Variants in FIG4 observed in about 807,000 individuals in gnomAD.
The protein encoded by FIG4 is FIG4 phosphoinositide 5-phosphatase.
Under a neutral mutation model 118.6 loss-of-function variants are expected in FIG4, and 112 were observed. That is an observed-to-expected ratio of 0.94 (90% confidence interval 0.81 to 1.11). FIG4 has a LOEUF of 1.11. Among genes scored for constraint, FIG4 ranks in the 50% least tolerant of loss-of-function variants. The probability of loss-of-function intolerance (pLI) is 0.00; values close to 1 mark genes in which losing one functional copy is unlikely to be tolerated. For synonymous variants in FIG4, 369 were observed against 381.2 expected, an observed-to-expected ratio of 0.97 and a Z score of 0.37; for missense variants, 969 against 1,111.7, an observed-to-expected ratio of 0.87 and a Z score of 1.83.
At chr6:109,700,202 C>T (rs768920016) in intron 1 of FIG4, among the ~76,000 whole-genome samples, 4 of 152,070 alleles carry the variant, frequency 2.6e-5, no homozygotes, top group Non-Finnish European at 5.9e-5. Flanking sequence ...AAATTTATGC[C>T]GTTGACTTAA....
At chr6:109,794,298 A>G (rs906226027) in intron 21 of FIG4, among the ~76,000 whole-genome samples, 1 of 152,194 alleles carries the variant, frequency 6.6e-6, no homozygotes, top group Non-Finnish European at 1.5e-5. Context: ...TCCAGGAGTC[A>G]TATCCTGTGT....
intron 10 of FIG4, among the ~76,000 whole-genome samples, chr6:109,752,853 A>G (rs536768923): frequency 7.2e-5 from 11 of 152,120 alleles, no homozygotes; most frequent in African/African-American, 2.4e-4. Flanking sequence ...ATTAGATCCC[A>G]TTTGTCAATT....
intron 15 of FIG4, among the ~76,000 whole-genome samples, chr6:109,775,958 T>C (rs981823913): frequency 9.2e-5 from 14 of 152,230 alleles, no homozygotes; most frequent in African/African-American, 3.4e-4. Context: ...AATGTTACCT[T>C]GTTCCAAATG....
At chr6:109,742,175 A>G (rs1341438586) in intron 8 of FIG4, among the ~76,000 whole-genome samples, 1 of 152,002 alleles carries the variant, frequency 6.6e-6, no homozygotes, top group African/African-American at 2.4e-5. Context: ...TACATGTTTA[A>G]TGTAGAGACA....
rs148323115 is a variant in FIG4 at position 109,825,358 on chromosome 6, G to T, written c.*93G>T. On this transcript the variant is annotated 3_prime_UTR_variant, in exon 23 of 23. Coordinates refer to ENST00000230124, the MANE Select transcript of FIG4 (RefSeq NM_014845.6). Reference sequence around the variant, plus strand: ...AGGTAACTTATTAAAAGTCCTTTGCGTCTGAAGCCTTTCTCCTTTTCTGTC... The same window carrying T: ...AGGTAACTTATTAAAAGTCCTTTGCTTCTGAAGCCTTTCTCCTTTTCTGTC... The T allele has an allele frequency of 6.8e-6, 8 of 1,180,506 alleles. No homozygotes were observed. Among genetic ancestry groups the T allele is most frequent in the Non-Finnish European group, 8.7e-6 (7 of 804,154 alleles). 73.1% of individuals were successfully genotyped at this position (1,180,506 alleles called of 1,614,324 possible). A position where few individuals can be genotyped will look rare whatever the true frequency, so the allele number is the denominator to read the frequency against.
At chr6:109,717,347 C>T (rs779483223) in intron 3 of FIG4, among the ~76,000 whole-genome samples, 3 of 152,186 alleles carry the variant, frequency 2.0e-5, no homozygotes, top group African/African-American at 7.2e-5. Flanking sequence ...TTTACCTGAG[C>T]TCCACCTTTC....
At chr6:109,800,642 C>T (rs1004715044) in intron 22 of FIG4, among the ~76,000 whole-genome samples, 2 of 152,164 alleles carry the variant, frequency 1.3e-5, no homozygotes, top group African/African-American at 4.8e-5. Context: ...TGCACTGACT[C>T]TCATCCCCCA....
At chr6:109,714,636 G>A (rs974458061) in intron 1 of FIG4, among the ~76,000 whole-genome samples, 1 of 152,186 alleles carries the variant, frequency 6.6e-6, no homozygotes, top group African/African-American at 2.4e-5. Context: ...AAAGACATTT[G>A]CAGACATTTA....
intron 7 of FIG4, among the ~76,000 whole-genome samples, chr6:109,739,796 A>G (rs1401648970): frequency 2.0e-5 from 3 of 152,168 alleles, no homozygotes; most frequent in East Asian, 1.9e-4. Flanking sequence ...GAGACTATTA[A>G]GTGGGTGAAT....
chr6:109,785,674 TC>T, intron 17 of FIG4: 1 of 470,984 alleles, frequency 2.1e-6, no homozygotes, highest in South Asian at 1.5e-5. Flanking sequence ...GGTAAAGGGT[TC>T]CTAGCAAGAT....
chr6:109,794,578 C>T (rs1778224848), intron 21 of FIG4, among the ~76,000 whole-genome samples: 1 of 152,176 alleles, frequency 6.6e-6, no homozygotes, highest in African/African-American at 2.4e-5. Flanking sequence ...CAGAGGGTGA[C>T]CAAGGGATGT....
At chr6:109,754,280 G>A (rs1201115108) in intron 10 of FIG4, among the ~76,000 whole-genome samples, 1 of 152,114 alleles carries the variant, frequency 6.6e-6, no homozygotes, top group Non-Finnish European at 1.5e-5. Flanking sequence ...TTGCATCCCA[G>A]GGATGAAGCC....
At chr6:109,747,608 C>A (rs1046194739) in intron 10 of FIG4, among the ~76,000 whole-genome samples, 3 of 151,928 alleles carry the variant, frequency 2.0e-5, no homozygotes, top group Non-Finnish European at 4.4e-5. Flanking sequence ...AATAGGAGTA[C>A]CCAGTGAAAG....
At chr6:109,746,465 A>G (rs1439853196) in intron 10 of FIG4, among the ~76,000 whole-genome samples, 1 of 152,136 alleles carries the variant, frequency 6.6e-6, no homozygotes, top group Non-Finnish European at 1.5e-5. Flanking sequence ...CTGGGAAAGA[A>G]TGGTATTCAA....
chr6:109,705,662 C>T (rs888117687), intron 1 of FIG4, among the ~76,000 whole-genome samples: 1 of 152,124 alleles, frequency 6.6e-6, no homozygotes, highest in Non-Finnish European at 1.5e-5. Flanking sequence ...AATGCATTTG[C>T]CCATGAGCAT....
Position 109,739,483 on chromosome 6 carries a change from T to G in FIG4, c.775+1030T>G, listed in dbSNP as rs1008247123. On this transcript the variant is annotated intron_variant, in intron 7 of 22. Transcript: ENST00000230124. ...ACATTTTCCCCCCACAGATAAGAAG[T>G]ATTTGTAATGGATTTGTATTTTTCT... 2.5e-4 allele frequency among the ~76,000 whole-genome samples: 38 copies of G among 152,152 alleles called. 1 individual carries two copies. The highest frequency in any genetic ancestry group is 5.9e-5 in the Non-Finnish European group (4 of 68,016).
intron 22 of FIG4, among the ~76,000 whole-genome samples, chr6:109,806,025 A>G (rs1778554984): frequency 6.6e-6 from 1 of 152,196 alleles, no homozygotes; most frequent in African/African-American, 2.4e-5. Flanking sequence ...TGTCTTTTTG[A>G]CAGCTCTACA....
chr6:109,814,866 G>A (rs1326421119), intron 22 of FIG4, among the ~76,000 whole-genome samples: 4 of 152,228 alleles, frequency 2.6e-5, no homozygotes, highest in East Asian at 3.9e-4. Flanking sequence ...TGACATTAAA[G>A]CCAAGATCTG....
intron 1 of FIG4, among the ~76,000 whole-genome samples, chr6:109,696,592 A>G (rs969510136): frequency 6.6e-6 from 1 of 152,224 alleles, no homozygotes; most frequent in African/African-American, 2.4e-5. Flanking sequence ...ATTCACAGCA[A>G]ATATGGATGA....
Sources: gnomAD v4.1 joint callset for allele counts (sites outside exome capture counted in the v4.1 genomes callset) on GRCh38, gnomAD v4.1.1 for gene constraint, MANE v1.5 for transcripts, NCBI Gene and HGNC (gene_info 2026-07-23, HGNC 2026-07-21) for gene names.